Variants in SGSM3 observed in about 807,000 individuals in gnomAD.
The protein encoded by SGSM3 is RUN and SH3 containing 3.
In SGSM3, 96 loss-of-function variants were observed where a neutral mutation model predicts 100.5. That is an observed-to-expected ratio of 0.96 (90% confidence interval 0.81 to 1.13). SGSM3 has a LOEUF of 1.13. Ranked by LOEUF, SGSM3 falls within the 50% of genes most tolerant of loss-of-function variation. The pLI is 0.00. For synonymous variants in SGSM3, 483 were observed against 422.8 expected, an observed-to-expected ratio of 1.14 and a Z score of -1.75; for missense variants, 1,001 against 1,015.8, an observed-to-expected ratio of 0.99 and a Z score of 0.20.
chr22:40,390,158 G>T (rs941796646), intron 1 of SGSM3: 2 of 152,120 alleles, frequency 1.3e-5, no homozygotes, highest in African/African-American at 2.4e-5. Flanking sequence ...TAAATGTGGG[G>T]CACCCTAATG....
Position 40,409,978 on chromosome 22 carries a change from G to C in SGSM3, c.*219G>C, listed in dbSNP as rs1369748638. 5 of 1,346,306 alleles carry C rather than the reference G, an allele frequency of 3.7e-6. No individual in the cohort carries two copies. Among genetic ancestry groups the C allele is most frequent in the Non-Finnish European group, 9.5e-7 (1 of 1,055,838 alleles). 83.4% of individuals were successfully genotyped at this position (1,346,306 alleles called of 1,614,324 possible). A position where few individuals can be genotyped will look rare whatever the true frequency, so the allele number is the denominator to read the frequency against. ...TAGGGATGCTCTAGGCCAAACCACA[G>C]TTTGTACCAAAAACCTTGTGAGGAG... On this transcript the variant is annotated 3_prime_UTR_variant, in exon 22 of 22. Transcript: ENST00000248929.
chr22:40,409,658 G>A (rs2052319588), intron 21 of SGSM3, 24 bp from the exon 22 acceptor site: 13 of 1,610,180 alleles, frequency 8.1e-6, no homozygotes, highest in Non-Finnish European at 1.1e-5. Flanking sequence ...AGGCCTGTGA[G>A]GTGAGGGGCT....
chr22:40,373,924 GTTTA>G (rs1569123637), intron 1 of SGSM3, among the ~76,000 whole-genome samples: 2 of 150,848 alleles, frequency 1.3e-5, no homozygotes, highest in African/African-American at 4.9e-5. Flanking sequence ...TGATAGGGTG[GTTTA>G]TTTATTTTTA....
In SGSM3 at chr22:40,410,106, A is replaced by C; in HGVS notation, c.*347A>C. On this transcript the variant is annotated 3_prime_UTR_variant, in exon 22 of 22. Transcript: ENST00000248929. Reference sequence around the variant, plus strand: ...TAAATAAACTGTGTCTGTCTTTGAGAAAGCACCTACCTGTCTTCTGTGCAG... The same window carrying C: ...TAAATAAACTGTGTCTGTCTTTGAGCAAGCACCTACCTGTCTTCTGTGCAG... 8.8e-7 allele frequency: 1 copy of C among 1,132,342 alleles called. No homozygotes were observed. 70.1% of individuals were successfully genotyped at this position (1,132,342 alleles called of 1,614,324 possible). A position where few individuals can be genotyped will look rare whatever the true frequency, so the allele number is the denominator to read the frequency against.
intron 1 of SGSM3, among the ~76,000 whole-genome samples, chr22:40,398,148 A>G (rs1156432902): frequency 2.0e-5 from 3 of 151,768 alleles, no homozygotes; most frequent in Admixed American, 6.6e-5. Context: ...TTGTATTTTT[A>G]GTAGGACAGG....
At position 40,396,592 on chromosome 22, in the gene SGSM3, CAAAAAAAAA is replaced by C. The variant is rs778373023; in HGVS notation, c.-111-4088_-111-4080del. ...TGGGCGACAGAGTGAGACTCTGTCT[CAAAAAAAAA>C]AAAAAAAAAAAAAAAGAAGTATTTT... is the stretch of plus-strand genomic sequence containing the variant. On this transcript the variant is annotated intron_variant, in intron 1 of 21. Coordinates refer to ENST00000248929, the MANE Select transcript of SGSM3 (RefSeq NM_015705.6). 6.5e-3 allele frequency among the ~76,000 whole-genome samples: 290 copies of C among 44,456 alleles called. 1 individual carries two copies. Among genetic ancestry groups the C allele is most frequent in the African/African-American group, 0.022 (278 of 12,544 alleles). 29.2% of individuals were successfully genotyped at this position (44,456 alleles called of 152,430 possible). A position where few individuals can be genotyped will look rare whatever the true frequency, so the allele number is the denominator to read the frequency against.
At chr22:40,399,409 G>A (rs199736493) in intron 1 of SGSM3, among the ~76,000 whole-genome samples, 71 of 152,336 alleles carry the variant, frequency 4.7e-4, no homozygotes, top group African/African-American at 1.6e-3. Context: ...AGCAGGAGGC[G>A]TAATAGAGCA....
Position 40,406,236 on chromosome 22 carries a change from C to T in SGSM3, c.960+13C>T. On this transcript the variant is annotated intron_variant, in intron 9 of 21. Coordinates refer to ENST00000248929, the MANE Select transcript of SGSM3 (RefSeq NM_015705.6). ...GCTGCACCTCAAGGTGCTCCACGGCCCCACTTCAGGCTGAGGAGTAGGCAC... is the reference window on the plus strand; with the variant it reads ...GCTGCACCTCAAGGTGCTCCACGGCTCCACTTCAGGCTGAGGAGTAGGCAC... The T allele has an allele frequency of 1.2e-6, 2 of 1,613,552 alleles. No individual in the cohort carries two copies. The highest frequency in any genetic ancestry group is 1.3e-5 in the African/African-American group (1 of 75,066).
In SGSM3 at chr22:40,406,544, G is replaced by A. The variant is rs141140445; in HGVS notation, c.1067G>A (p.Arg356Gln). 5.1e-5 allele frequency: 82 copies of A among 1,612,984 alleles called. No homozygotes were observed. Among genetic ancestry groups the A allele is most frequent in the African/African-American group, 3.6e-4 (27 of 75,048 alleles). The part of the protein sequence containing the change: ...DAELLLGVAM[R>Q]LAGSLTDVAV... ...GAGCTGCTTCTGGGGGTGGCCATGC[G>A]GCTGGCCGGCTCCCTCACCGATGTG... Residue 356 changes from arginine to glutamine, a missense_variant, in exon 10 of 22, where the codon CGG (arginine) becomes CAG (glutamine). Coordinates refer to ENST00000248929, the MANE Select transcript of SGSM3 (RefSeq NM_015705.6).
intron 19 of SGSM3, 61 bp downstream of exon 19, chr22:40,409,079 G>C: frequency 6.5e-7 from 1 of 1,549,330 alleles, no homozygotes; most frequent in South Asian, 1.2e-5. Flanking sequence ...CCCAGCATCA[G>C]GGGGGGTCCT....
intron 1 of SGSM3, among the ~76,000 whole-genome samples, chr22:40,385,276 C>G (rs1338666903): frequency 1.3e-5 from 2 of 152,040 alleles, no homozygotes; most frequent in African/African-American, 4.8e-5. Flanking sequence ...GAAGCATGGG[C>G]GCTTTTAAAA....
chr22:40,384,470 T>TA (rs552105216), intron 1 of SGSM3, among the ~76,000 whole-genome samples: 179 of 151,370 alleles, frequency 1.2e-3, no homozygotes, highest in Middle Eastern at 6.8e-3. Flanking sequence ...AAACAAAAAT[T>TA]AAAAAAAAAT....
chr22:40,372,316 C>G (rs1466597878), intron 1 of SGSM3, among the ~76,000 whole-genome samples: 1 of 151,632 alleles, frequency 6.6e-6, no homozygotes, highest in Non-Finnish European at 1.5e-5. Flanking sequence ...TTAGTAGAGA[C>G]GGGGTTTCAC....
intron 1 of SGSM3, among the ~76,000 whole-genome samples, chr22:40,371,290 C>T (rs1455419699): frequency 6.6e-6 from 1 of 152,190 alleles, no homozygotes; most frequent in African/African-American, 2.4e-5. Flanking sequence ...CTGACCTAGG[C>T]TCTTTTTTAT....
At chr22:40,389,904 C>CAAAAAAA in intron 1 of SGSM3, among the ~76,000 whole-genome samples, 1 of 58,510 alleles carries the variant, frequency 1.7e-5, no homozygotes, top group African/African-American at 7.2e-5. Context: ...AACTCCGTCT[C>CAAAAAAA]AAAAAAAAAA....
At chr22:40,400,903 C>A (rs1364795062) in intron 2 of SGSM3, 90 bp downstream of exon 2, 9 of 1,276,650 alleles carry the variant, frequency 7.0e-6, no homozygotes, top group African/African-American at 6.2e-5. Flanking sequence ...CCATAAAACA[C>A]CATCCAGATA....
chr22:40,398,684 G>GT (rs1422126315), intron 1 of SGSM3, among the ~76,000 whole-genome samples: 1 of 141,246 alleles, frequency 7.1e-6, no homozygotes, highest in Non-Finnish European at 1.5e-5. Context: ...GTTCAACATA[G>GT]TTTTTAGTAT....
chr22:40,374,260 G>A (rs924184935), intron 1 of SGSM3, among the ~76,000 whole-genome samples: 2 of 152,076 alleles, frequency 1.3e-5, no homozygotes, highest in African/African-American at 2.4e-5. Context: ...CCAATAGGGC[G>A]GTTTTTATAG....
chr22:40,389,593 C>T (rs1282183034), intron 1 of SGSM3, among the ~76,000 whole-genome samples: 3 of 92,490 alleles, frequency 3.2e-5, no homozygotes, highest in African/African-American at 1.3e-4. Flanking sequence ...TGCAAGACTC[C>T]GTCTCAGAAA....
Sources: allele counts gnomAD v4.1 joint callset (sites outside exome capture counted in the v4.1 genomes callset), GRCh38; gene constraint gnomAD v4.1.1; transcripts MANE v1.5; gene names NCBI Gene and HGNC (gene_info 2026-07-23, HGNC 2026-07-21).